Variants in RPL30 observed in about 807,000 individuals in gnomAD.
The protein encoded by RPL30 is ribosomal protein L30, also known as large ribosomal subunit protein eL30.
For synonymous variants in RPL30, 40 were observed against 50.4 expected (o/e 0.79, Z 0.87); for missense variants, 60 against 138.0 (o/e 0.43, Z 2.83).
intron 2 of RPL30, 111 bp downstream of exon 2, chr8:98,045,236 C>T: frequency 6.4e-7 from 1 of 1,559,890 alleles, no homozygotes; most frequent in Non-Finnish European, 8.8e-7. Flanking sequence ...CTTCTGGGGC[C>T]CTCCAAATGC....
At position 98,042,148 on chromosome 8, in the gene RPL30, T is replaced by C. The variant is rs781497594; in HGVS notation, c.299-298A>G. On this transcript the variant is annotated intron_variant, in intron 4 of 4. Coordinates refer to ENST00000287038, the MANE Select transcript of RPL30 (RefSeq NM_000989.4). ...AGAACTAGGTTTGGGGACACATGCA[T>C]GGTCTTAATATAGCGAATGTTTAGC... is the stretch of plus-strand genomic sequence containing the variant. 2.6e-4 allele frequency: 157 copies of C among 606,634 alleles called. 2 individuals are homozygous for C. Among genetic ancestry groups the C allele is most frequent in the South Asian group, 1.9e-3 (137 of 72,290 alleles). The allele number at this position is 606,634 out of a possible 1,614,324, so 37.6% of individuals were successfully genotyped here. A position where few individuals can be genotyped will look rare whatever the true frequency, so the allele number is the denominator to read the frequency against.
chr8:98,045,526 T>C lies in RPL30; in HGVS notation c.-51A>G, dbSNP rs771897951. On this transcript the variant is annotated 5_prime_UTR_variant, in exon 1 of 5. Coordinates refer to ENST00000287038, the MANE Select transcript of RPL30 (RefSeq NM_000989.4). The stretch of plus-strand genomic sequence containing the variant: ...CACTCACCAACAGCAGCCGCTAAGA[T>C]GGCCGGGGAACGAGAAAGGAAAGAC... 3 of 690,806 alleles carry C rather than the reference T, an allele frequency of 4.3e-6. No homozygotes were observed. The highest frequency in any genetic ancestry group is 5.4e-5 in the East Asian group (2 of 36,790). The allele number at this position is 690,806 out of a possible 1,614,324, so 42.8% of individuals were successfully genotyped here.
At chr8:98,045,472 C>A in intron 1 of RPL30, 36 bp downstream of exon 1, 1 of 1,427,206 alleles carries the variant, frequency 7.0e-7, no homozygotes, top group Non-Finnish European at 9.8e-7. Context: ...AAGCTCCCCG[C>A]GCTGCCTAAA....
At chr8:98,043,703 A>G (rs1814424619) in intron 3 of RPL30, 2 of 151,580 alleles carry the variant, frequency 1.3e-5, no homozygotes, top group South Asian at 4.2e-4. Context: ...ACAAAATTTC[A>G]GCGTCAAATT....
intron 3 of RPL30, chr8:98,043,974 AT>A (rs1316946286): frequency 6.6e-6 from 1 of 152,316 alleles, no homozygotes; most frequent in East Asian, 1.9e-4. Context: ...TTAGCCAGGC[AT>A]GGTGGCAGGT....
At position 98,045,011 on chromosome 8, in the gene RPL30, C is replaced by G; in HGVS notation, c.99G>C (p.Gln33His). The change falls in exon 3 of 5, where the codon CAG becomes CAC. Residue 33 changes from glutamine (Q) to histidine (H), a missense_variant. By Grantham distance (24) the Gln-to-His change is conservative. Coordinates refer to ENST00000287038, the MANE Select transcript of RPL30 (RefSeq NM_000989.4). Reference sequence around the variant, plus strand: ...TGCCTTGTCTGATCATCTTCAGAGTCTGCTTGTACCCCAGGACGTACTTCC... The same window carrying G: ...TGCCTTGTCTGATCATCTTCAGAGTGTGCTTGTACCCCAGGACGTACTTCC... ...KSGKYVLGYK[Q>H]TLKMIRQGKA... The G allele has an allele frequency of 1.2e-6, 2 of 1,614,192 alleles. No homozygotes were observed. The highest frequency in any genetic ancestry group is 1.7e-6 in the Non-Finnish European group (2 of 1,180,018).
At chr8:98,042,911 A>C in intron 3 of RPL30, 136 bp from the exon 4 acceptor site, 2 of 786,044 alleles carry the variant, frequency 2.5e-6, no homozygotes, top group Non-Finnish European at 3.9e-6. Flanking sequence ...ACTCTTAAAA[A>C]CATCATATTC....
chr8:98,044,807 C>T (rs755684978), intron 3 of RPL30, 136 bp downstream of exon 3: 12 of 1,009,864 alleles, frequency 1.2e-5, no homozygotes, highest in Non-Finnish European at 1.6e-5. Context: ...GAATGAAGGG[C>T]CAAACACCAC....
rs367741409 is a variant in RPL30 at position 98,042,275 on chromosome 8, CT to C, written c.298+369del. Reference sequence around the variant, plus strand: ...ACAGAATGATGTAGATTTTTTGGCACTTTTTTTTTTCTCAAGCTAATTTTAC... The same window carrying C: ...ACAGAATGATGTAGATTTTTTGGCACTTTTTTTTTCTCAAGCTAATTTTAC... On this transcript the variant is annotated intron_variant, in intron 4 of 4. Coordinates refer to ENST00000287038, the MANE Select transcript of RPL30 (RefSeq NM_000989.4). 1,242 of 454,562 alleles carry C rather than the reference CT, an allele frequency of 2.7e-3. 6 individuals are homozygous for C. The highest frequency in any genetic ancestry group is 0.014 in the African/African-American group (704 of 48,820). The allele number at this position is 454,562 out of a possible 1,614,324, so 28.2% of individuals were successfully genotyped here. A position where few individuals can be genotyped will look rare whatever the true frequency, so the allele number is the denominator to read the frequency against.
chr8:98,042,547 T>A, intron 4 of RPL30, 98 bp downstream of exon 4: 1 of 1,202,684 alleles, frequency 8.3e-7, no homozygotes, highest in Non-Finnish European at 1.2e-6. Context: ...TCTATCTGAA[T>A]TTAGGAACCA....
chr8:98,044,889 A>AT, intron 3 of RPL30, 54 bp downstream of exon 3: 2 of 1,575,846 alleles, frequency 1.3e-6, no homozygotes, highest in Non-Finnish European at 1.7e-6. Flanking sequence ...ACTCCTGTAT[A>AT]TTCGTTCACG....
intron 3 of RPL30, chr8:98,044,658 T>C (rs1814443235): frequency 2.7e-6 from 1 of 366,396 alleles, no homozygotes; most frequent in East Asian, 4.7e-5. Context: ...ACAAAATACA[T>C]GGAAAAAACA....
chr8:98,044,795 G>C, intron 3 of RPL30, 148 bp downstream of exon 3: 1 of 858,294 alleles, frequency 1.2e-6, no homozygotes, highest in Non-Finnish European at 1.8e-6. Context: ...TCGGGGAGAC[G>C]GGAATGAAGG....
intron 2 of RPL30, 32 bp from the exon 3 acceptor site, chr8:98,045,120 G>A (rs778426323): frequency 1.7e-5 from 27 of 1,600,024 alleles, no homozygotes; most frequent in Non-Finnish European, 2.2e-5. Context: ...CGGACCTAAG[G>A]GCCTCGCCTG....
chr8:98,042,190 A>C, intron 4 of RPL30: 2 of 567,094 alleles, frequency 3.5e-6, no homozygotes, highest in South Asian at 2.8e-5. Flanking sequence ...TGACTATTAC[A>C]AAATCAGAAC....
chr8:98,045,294 C>G, intron 2 of RPL30, 53 bp downstream of exon 2: 1 of 1,613,438 alleles, frequency 6.2e-7, no homozygotes, highest in Non-Finnish European at 8.5e-7. Context: ...CCCGCCCTGG[C>G]CAAGACATCT....
chr8:98,045,354 T>C lies in RPL30; in HGVS notation c.14A>G (p.Lys5Arg). MVAA[K>R]KTKKSLESIN... Reference sequence around the variant, plus strand: ...CTGGCCCGCCTCACTCACCGTCTTCTTTGCGGCCACCATCTTCCTGCCTTA... The same window carrying C: ...CTGGCCCGCCTCACTCACCGTCTTCCTTGCGGCCACCATCTTCCTGCCTTA... The change falls in exon 2 of 5, where the codon AAG becomes AGG. Residue 5 changes from lysine to arginine, a missense_variant. By Grantham distance (26) the Lys-to-Arg change is conservative (BLOSUM62 2). Coordinates refer to ENST00000287038, the MANE Select transcript of RPL30 (RefSeq NM_000989.4). 1.9e-6 allele frequency: 3 copies of C among 1,614,182 alleles called. No individual in the cohort carries two copies. Among genetic ancestry groups the C allele is most frequent in the Non-Finnish European group, 2.5e-6 (3 of 1,180,034 alleles).
chr8:98,043,431 C>CTTCTTT (rs1554618470), intron 3 of RPL30: 1 of 138,632 alleles, frequency 7.2e-6, no homozygotes, highest in Non-Finnish European at 1.5e-5. Flanking sequence ...CAGCCCTATT[C>CTTCTTT]TTTTTTTTTT....
At chr8:98,044,114 AAAAAT>A (rs1306925971) in intron 3 of RPL30, 2 of 152,346 alleles carry the variant, frequency 1.3e-5, no homozygotes, top group East Asian at 1.9e-4. Context: ...CTGTCTTAAA[AAAAAT>A]AAAATAATAA....
Sources: gnomAD v4.1 joint callset for allele counts on GRCh38, gnomAD v4.1.1 for gene constraint, MANE v1.5 for transcripts, NCBI Gene and HGNC (gene_info 2026-07-23, HGNC 2026-07-21) for gene names.